PRKG2: variants seen among roughly 807,000 people sequenced by gnomAD.
PRKG2 encodes the protein cGMP-dependent protein kinase 2.
PRKG2 carries 33 observed loss-of-function variants against 97.2 expected under a neutral mutation model. The observed-to-expected ratio is 0.34, with a 90% CI of 0.26 to 0.45. The LOEUF (loss-of-function observed/expected upper bound fraction) is 0.45. Among genes scored for constraint, PRKG2 ranks in the 20% least tolerant of loss-of-function variants. The pLI is 1.00. For synonymous variants in PRKG2, 330 were observed against 321.8 expected, an observed-to-expected ratio of 1.03 and a Z score of -0.27; for missense variants, 638 against 900.0, an observed-to-expected ratio of 0.71 and a Z score of 3.73.
chr4:81,200,544 C>T (rs955549637), intron 2 of PRKG2, among the ~76,000 whole-genome samples: 1 of 152,152 alleles, frequency 6.6e-6, no homozygotes, highest in Non-Finnish European at 1.5e-5. Flanking sequence ...CTAATCAAGG[C>T]CTTTCACATT....
chr4:81,130,095 T>G lies in PRKG2; in HGVS notation c.1776+5060A>C, dbSNP rs568679921. Among the ~76,000 whole-genome samples, 11 of 152,332 alleles carry G rather than the reference T, an allele frequency of 7.2e-5. No individual in the cohort carries two copies. In the East Asian group the frequency reaches 1.9e-3, roughly 27 times the overall value. ...TTATTTTTCCTCGTTTTGGGAATTT[T>G]CAGCCTTTTTGTGCTGTTTTTTCCT... On this transcript the variant is annotated intron_variant, in intron 14 of 18. Transcript: ENST00000264399.
At chr4:81,214,575 C>T (rs1754177694) in intron 1 of PRKG2, among the ~76,000 whole-genome samples, 3 of 152,100 alleles carry the variant, frequency 2.0e-5, no homozygotes. Context: ...GAGCGCAAGC[C>T]CTGACAGCAC....
intron 9 of PRKG2, among the ~76,000 whole-genome samples, chr4:81,147,044 G>C (rs1005006191): frequency 6.6e-6 from 1 of 152,062 alleles, no homozygotes; most frequent in African/African-American, 2.4e-5. Context: ...TAATTTTTAT[G>C]TCTCATTGTG....
Position 81,143,062 on chromosome 4 carries a change from G to C in PRKG2, c.1254-115C>G. The C allele has an allele frequency of 3.0e-6, 4 of 1,334,554 alleles. No individual in the cohort carries two copies. In the East Asian group the frequency reaches 9.4e-5, roughly 31 times the overall value. 82.7% of individuals were successfully genotyped at this position (1,334,554 alleles called of 1,614,324 possible). A position where few individuals can be genotyped will look rare whatever the true frequency, so the allele number is the denominator to read the frequency against. ...ATTTCTGCTGTAACTATGATTTATA[G>C]TTGCCACAAAGGCTATCCCAACTTT... On this transcript the variant is annotated intron_variant, in intron 10 of 18. Transcript: ENST00000264399.
At chr4:81,194,351 C>T (rs546140504) in intron 2 of PRKG2, among the ~76,000 whole-genome samples, 8 of 151,742 alleles carry the variant, frequency 5.3e-5, no homozygotes, top group South Asian at 2.1e-4. Flanking sequence ...AAACAGGATA[C>T]GCATCTCTAT....
chr4:81,135,954 T>C (rs912322007), intron 13 of PRKG2, among the ~76,000 whole-genome samples: 2 of 152,212 alleles, frequency 1.3e-5, no homozygotes, highest in East Asian at 3.9e-4. Context: ...AGAAAGTTGT[T>C]TAACTGTTCT....
chr4:81,120,242 C>T (rs1035447795), intron 14 of PRKG2, among the ~76,000 whole-genome samples: 2 of 152,150 alleles, frequency 1.3e-5, no homozygotes, highest in African/African-American at 2.4e-5. Context: ...CTACACCTTC[C>T]GATTTCTGTA....
chr4:81,143,298 AG>A (rs1747484400), intron 10 of PRKG2, among the ~76,000 whole-genome samples: 1 of 152,148 alleles, frequency 6.6e-6, no homozygotes, highest in African/African-American at 2.4e-5. Context: ...ACCTCAAAAA[AG>A]CTGTTAAAAA....
intron 14 of PRKG2, among the ~76,000 whole-genome samples, chr4:81,126,927 A>C (rs1745648507): frequency 6.6e-6 from 1 of 152,150 alleles, no homozygotes; most frequent in Admixed American, 6.5e-5. Flanking sequence ...TTGGTGTTTT[A>C]GTCACAAAGT....
At chr4:81,090,444 C>T (rs1741428190) in intron 18 of PRKG2, among the ~76,000 whole-genome samples, 1 of 151,684 alleles carries the variant, frequency 6.6e-6, no homozygotes, top group Non-Finnish European at 1.5e-5. Context: ...TAGCGTTCTT[C>T]TTCCATTATA....
rs200587856 is a variant in PRKG2, at chr4:81,105,965, A to G, written c.1941-30T>C. ...ATAGAGAAAATCCAGAACAGGACAC[A>G]TTAATAACAGGGTCTGAGATCACAT... is the stretch of plus-strand genomic sequence containing the variant. On this transcript the variant is annotated intron_variant, in intron 15 of 18. Coordinates refer to ENST00000264399, the MANE Select transcript of PRKG2 (RefSeq NM_006259.3). The G allele has an allele frequency of 7.3e-5, 117 of 1,597,214 alleles. 1 individual carries two copies. In the East Asian group the frequency reaches 2.6e-3, roughly 35 times the overall value.
intron 6 of PRKG2, among the ~76,000 whole-genome samples, chr4:81,154,935 G>A (rs1281640785): frequency 2.0e-5 from 3 of 152,134 alleles, no homozygotes; most frequent in East Asian, 3.9e-4. Flanking sequence ...AGCACTTTGG[G>A]AGGCCGAGGC....
chr4:81,169,388 T>C (rs1301143020), intron 5 of PRKG2, among the ~76,000 whole-genome samples: 1 of 152,034 alleles, frequency 6.6e-6, no homozygotes, highest in Non-Finnish European at 1.5e-5. Flanking sequence ...ATAATTTAGG[T>C]TTTTTGCACA....
At chr4:81,180,738 T>C (rs139350556) in intron 2 of PRKG2, among the ~76,000 whole-genome samples, 475 of 152,306 alleles carry the variant, frequency 3.1e-3, no homozygotes, top group African/African-American at 0.011. Flanking sequence ...AGTAAATAGA[T>C]CTGAATATTT....
chr4:81,174,053 A>T (rs990707239), intron 3 of PRKG2: 1 of 152,072 alleles, frequency 6.6e-6, no homozygotes, highest in Non-Finnish European at 1.5e-5. Context: ...AGAGAAAAAA[A>T]TTGAGTAGTC....
chr4:81,140,506 C>A (rs777390872), intron 12 of PRKG2, 27 bp downstream of exon 12: 34 of 1,542,044 alleles, frequency 2.2e-5, no homozygotes, highest in African/African-American at 1.2e-4. Context: ...AAAATCCTAA[C>A]TCCTTGGAAG....
chr4:81,167,342 C>A (rs550489768), intron 5 of PRKG2, 118 bp from the exon 6 acceptor site: 9 of 583,568 alleles, frequency 1.5e-5, no homozygotes, highest in Non-Finnish European at 2.6e-5. Flanking sequence ...TTTGATTCTT[C>A]CAAAGTAAAT....
chr4:81,205,917 G>T (rs571463673), intron 1 of PRKG2, among the ~76,000 whole-genome samples: 1 of 152,222 alleles, frequency 6.6e-6, no homozygotes, highest in East Asian at 1.9e-4. Flanking sequence ...GGTTATAAGG[G>T]ATGATTTAGT....
chr4:81,159,862 A>G (rs868432569), intron 6 of PRKG2, among the ~76,000 whole-genome samples: 13 of 151,592 alleles, frequency 8.6e-5, no homozygotes, highest in Admixed American at 2.6e-4. Flanking sequence ...TGCAAGAACA[A>G]AAAACTAAAC....
Sources: gnomAD v4.1 joint callset for allele counts (sites outside exome capture counted in the v4.1 genomes callset) on GRCh38, gnomAD v4.1.1 for gene constraint, MANE v1.5 for transcripts, NCBI Gene and HGNC (gene_info 2026-07-23, HGNC 2026-07-21) for gene names.